ZBTB11: variants seen among roughly 807,000 people sequenced by gnomAD.
The protein encoded by ZBTB11 is zinc finger and BTB domain containing 11.
In ZBTB11, 68 loss-of-function variants were observed where a neutral mutation model predicts 113.1. That is an observed-to-expected ratio of 0.60 (90% confidence interval 0.49 to 0.74). The LOEUF (loss-of-function observed/expected upper bound fraction) is 0.74. Ranked by LOEUF, ZBTB11 falls within the 30% of genes least tolerant of loss-of-function variation. The pLI, the probability that ZBTB11 is intolerant of heterozygous loss-of-function variation, is 0.00. For synonymous variants in ZBTB11, 518 were observed against 452.6 expected, an observed-to-expected ratio of 1.14 and a Z score of -1.83; for missense variants, 1,104 against 1,279.4, an observed-to-expected ratio of 0.86 and a Z score of 2.09.
At chr3:101,669,956 G>A (rs1937061688) in intron 3 of ZBTB11, among the ~76,000 whole-genome samples, 1 of 151,816 alleles carries the variant, frequency 6.6e-6, no homozygotes, top group African/African-American at 2.4e-5. Flanking sequence ...AGCCTCCCGA[G>A]TAGCTGGGAT....
intron 3 of ZBTB11, chr3:101,670,539 G>C (rs1434495484): frequency 6.6e-6 from 1 of 152,130 alleles, no homozygotes; most frequent in African/African-American, 2.4e-5. Flanking sequence ...AAACTCTAAG[G>C]ATTAATCTTT....
chr3:101,662,981 C>T (rs1306074982), intron 5 of ZBTB11, among the ~76,000 whole-genome samples: 1 of 151,536 alleles, frequency 6.6e-6, no homozygotes, highest in East Asian at 1.9e-4. Context: ...GCTCTGTTGC[C>T]CAGGCTGGAG....
At chr3:101,676,578 GC>G in intron 1 of ZBTB11, 26 bp downstream of exon 1, 4 of 1,458,796 alleles carry the variant, frequency 2.7e-6, no homozygotes, top group Admixed American at 2.8e-5. Context: ...TCGCCAGCCC[GC>G]CCCCTCGCCG....
chr3:101,652,282 C>A (rs1039812561), intron 10 of ZBTB11, among the ~76,000 whole-genome samples: 4 of 152,128 alleles, frequency 2.6e-5, no homozygotes, highest in South Asian at 2.1e-4. Flanking sequence ...TTTAGTTCAG[C>A]ATAACAATGT....
rs1340187764 is a variant in ZBTB11 at position 101,650,187 on chromosome 3, C to T, written c.*979G>A. 6.6e-6 allele frequency: 1 copy of T among 152,190 alleles called. No individual in the cohort carries two copies. Among genetic ancestry groups the T allele is most frequent in the East Asian group, 1.9e-4 (1 of 5,200 alleles). The allele number at this position is 152,190 out of a possible 1,614,324, so 9.4% of individuals were successfully genotyped here. On this transcript the variant is annotated 3_prime_UTR_variant, in exon 11 of 11. Transcript: ENST00000312938. Reference sequence around the variant, plus strand: ...TTACCTGACAATTACATGGTATCCACAGAGCTGCTGTGAATGTCTATATTG... The same window carrying T: ...TTACCTGACAATTACATGGTATCCATAGAGCTGCTGTGAATGTCTATATTG...
Position 101,664,621 on chromosome 3 carries a change from C to A in ZBTB11, c.1717G>T (p.Glu573Ter). Residue 573 changes from glutamate to a stop codon, truncating the protein, a stop_gained, in exon 5 of 11, where the codon GAA becomes TAA. Transcript: ENST00000312938. LOFTEE classifies it high-confidence loss of function. ...NTEEASHKCG[E>*]CGMVFQRRYA... ...CGTCTCTGAAAAACCATTCCACATT[C>A]CCCACATTTATGAGATGCTTCTTCT... 6.2e-7 allele frequency: 1 copy of A among 1,613,898 alleles called. No individual in the cohort carries two copies. Among genetic ancestry groups the A allele is most frequent in the Non-Finnish European group, 8.5e-7 (1 of 1,179,932 alleles).
intron 1 of ZBTB11, among the ~76,000 whole-genome samples, chr3:101,673,346 A>G (rs551538366): frequency 6.6e-6 from 1 of 152,298 alleles, no homozygotes; most frequent in Admixed American, 6.5e-5. Flanking sequence ...GATTTTCGGT[A>G]TATTATTCTA....
chr3:101,674,969 A>C (rs1356616542), intron 1 of ZBTB11, among the ~76,000 whole-genome samples: 2 of 152,182 alleles, frequency 1.3e-5, no homozygotes, highest in Admixed American at 1.3e-4. Context: ...AAACAGATAG[A>C]GGCTGAAAAG....
chr3:101,665,758 C>T lies in ZBTB11; in HGVS notation c.829G>A (p.Val277Ile), dbSNP rs1936987255. ...ATGCTACAGAAATCAAAACTTAGTACAGAAGTATAGGCAAATTCCAGTAAA... is the reference window on the plus strand; with the variant it reads ...ATGCTACAGAAATCAAAACTTAGTATAGAAGTATAGGCAAATTCCAGTAAA... The part of the protein sequence containing the change: ...LPLLEFAYTS[V>I]LSFDFCSMAD... The change falls in exon 4 of 11, where the codon GTA (valine) becomes ATA (isoleucine). Residue 277 changes from valine (V) to isoleucine (I), a missense_variant. Around this residue, in one of 5 missense-constraint regions of ZBTB11, gnomAD observed 86 missense variants for 131.0 expected, o/e 0.66. Coordinates refer to ENST00000312938, the MANE Select transcript of ZBTB11 (RefSeq NM_014415.4). 6.2e-7 allele frequency: 1 copy of T among 1,612,890 alleles called. No individual in the cohort carries two copies. The highest frequency in any genetic ancestry group is 8.5e-7 in the Non-Finnish European group (1 of 1,179,638).
chr3:101,662,741 C>T (rs987377291), intron 5 of ZBTB11, among the ~76,000 whole-genome samples: 2 of 151,824 alleles, frequency 1.3e-5, no homozygotes, highest in Non-Finnish European at 2.9e-5. Context: ...TTTATTTTCT[C>T]GCTAGTCTTG....
At position 101,671,331 on chromosome 3, in the gene ZBTB11, A is replaced by G; in HGVS notation, c.577T>C (p.Ser193Pro). The G allele has an allele frequency of 6.2e-7, 1 of 1,614,170 alleles. No homozygotes were observed. ...AAGACAGCCTGACAATGTTTTGGAGAAGAACGTTTTACCACTCCTTTGGTG... is the reference window on the plus strand; with the variant it reads ...AAGACAGCCTGACAATGTTTTGGAGGAGAACGTTTTACCACTCCTTTGGTG... ...VDTKGVVKRS[S>P]PKHCQAVLKQ... The change falls in exon 3 of 11, where the codon TCT becomes CCT. Residue 193 changes from serine to proline, a missense_variant. By Grantham distance (74) the Ser-to-Pro change is moderately conservative. Transcript: ENST00000312938.
chr3:101,657,373 G>C (rs1936817011), intron 6 of ZBTB11, among the ~76,000 whole-genome samples: 1 of 151,164 alleles, frequency 6.6e-6, no homozygotes, highest in Non-Finnish European at 1.5e-5. Flanking sequence ...AGGCGTGGTG[G>C]CGTGTGCCTG....
chr3:101,656,273 G>A (rs1207109012), intron 6 of ZBTB11, 25 bp from the exon 7 acceptor site: 1 of 1,371,126 alleles, frequency 7.3e-7, no homozygotes, highest in Non-Finnish European at 9.5e-7. Context: ...GGGTGATTAA[G>A]TCAATAAAAC....
rs1291179461 is a variant in ZBTB11 at position 101,655,628 on chromosome 3, C to A, written c.2191+476G>T. 2.0e-5 allele frequency among the ~76,000 whole-genome samples: 3 copies of A among 151,904 alleles called. No individual in the cohort carries two copies. In the East Asian group the frequency reaches 5.8e-4, roughly 29 times the overall value. On this transcript the variant is annotated intron_variant, in intron 7 of 10. Coordinates refer to ENST00000312938, the MANE Select transcript of ZBTB11 (RefSeq NM_014415.4). ...TGAGGGAAACAATGAATATTCCATA[C>A]ACAAACATAGCTGTAAAACCAGATC... is the stretch of plus-strand genomic sequence containing the variant.
intron 3 of ZBTB11, among the ~76,000 whole-genome samples, chr3:101,668,968 T>A (rs1937040420): frequency 6.6e-6 from 1 of 152,096 alleles, no homozygotes; most frequent in Non-Finnish European, 1.5e-5. Context: ...GGAAAAATTA[T>A]GGTGAGGACT....
chr3:101,662,711 G>A (rs968490507), intron 5 of ZBTB11, among the ~76,000 whole-genome samples: 6 of 151,686 alleles, frequency 4.0e-5, no homozygotes, highest in Non-Finnish European at 8.8e-5. Flanking sequence ...ATGTTCTGAA[G>A]TTTTTTTCTT....
intron 3 of ZBTB11, chr3:101,670,482 T>C (rs1237313601): frequency 2.0e-5 from 3 of 152,162 alleles, no homozygotes; most frequent in South Asian, 2.1e-4. Context: ...AAAACAAACC[T>C]GGGATTTTGA....
At chr3:101,661,947 A>G (rs1212080335) in intron 5 of ZBTB11, 1 of 151,360 alleles carries the variant, frequency 6.6e-6, no homozygotes, top group Non-Finnish European at 1.5e-5. Flanking sequence ...CATTAGTTAT[A>G]TTTTCCAACT....
Position 101,652,611 on chromosome 3 carries a change from T to C in ZBTB11, c.2529A>G (p.Lys843=). Residue 843 remains lysine, a synonymous_variant, in exon 10 of 11, where the codon AAA becomes AAG. Coordinates refer to ENST00000312938, the MANE Select transcript of ZBTB11 (RefSeq NM_014415.4). ...EKALFRRHVK[K]ATHGKKGRAK... The stretch of plus-strand genomic sequence containing the variant: ...CTCTTCCTTTCTTCCCATGGGTAGC[T>C]TTCTTTACATGCCTTCTGAACAAAG... 6.2e-7 allele frequency: 1 copy of C among 1,614,202 alleles called. No individual in the cohort carries two copies. The highest frequency in any genetic ancestry group is 8.5e-7 in the Non-Finnish European group (1 of 1,180,028).
Sources: gnomAD v4.1 joint callset for allele counts (sites outside exome capture counted in the v4.1 genomes callset) on GRCh38, gnomAD v4.1.1 for gene constraint, gnomAD v4.1.1 regional missense constraint, MANE v1.5 for transcripts, NCBI Gene and HGNC (gene_info 2026-07-23, HGNC 2026-07-21) for gene names.